The following MTCL2 variants were observed in gnomAD, a reference collection of about 807,000 sequenced individuals.
MTCL2 encodes the protein microtubule crosslinking factor 2.
chr20:36,844,141 CAGG>C, the MTCL2 span, among the ~76,000 whole-genome samples: 10 of 151,940 alleles, frequency 6.6e-5, no homozygotes, highest in Non-Finnish European at 2.9e-5. Context: ...GAGGCTGAGG[CAGG>C]AGAATTGCTT....
the MTCL2 span, chr20:36,839,588 C>T: frequency 1.5e-6 from 1 of 672,698 alleles, no homozygotes; most frequent in East Asian, 2.8e-5. This position sits in a 1 kb window ranked among gnomAD's most constrained non-coding sequence, Gnocchi z 5.1. Flanking sequence ...CGTCCATGTT[C>T]ACATTCCCAG....
At chr20:36,841,042 G>A in the MTCL2 span, among the ~76,000 whole-genome samples, 1 of 151,194 alleles carries the variant, frequency 6.6e-6, no homozygotes, top group Admixed American at 6.6e-5. Context: ...GGGCGCAGTG[G>A]CTCGCACCTC....
chr20:36,857,578 A>G, the MTCL2 span, among the ~76,000 whole-genome samples: 2 of 152,286 alleles, frequency 1.3e-5, no homozygotes, highest in Admixed American at 6.5e-5. Flanking sequence ...CTCAGCCCCA[A>G]GGAGGCTGCG....
At chr20:36,780,458 TC>T in the MTCL2 span, 1 of 152,242 alleles carries the variant, frequency 6.6e-6, no homozygotes, top group African/African-American at 2.4e-5. Context: ...CATTTTGCCA[TC>T]ATTCTTTTAA....
chr20:36,862,942 C>G, the MTCL2 span: 2 of 1,389,098 alleles, frequency 1.4e-6, no homozygotes, highest in Non-Finnish European at 1.9e-6. Context: ...AGCTCCAGGC[C>G]CAGCAGGCGC....
the MTCL2 span, among the ~76,000 whole-genome samples, chr20:36,849,306 G>T: frequency 1.3e-5 from 2 of 151,740 alleles, no homozygotes; most frequent in African/African-American, 2.4e-5. Flanking sequence ...TAATCCACCC[G>T]CCTCGGCCTC....
the MTCL2 span, chr20:36,817,561 G>A: frequency 7.7e-7 from 1 of 1,292,236 alleles, no homozygotes; most frequent in Non-Finnish European, 1.0e-6. Context: ...CAGTGCCCAG[G>A]GTCCAGGGAG....
chr20:36,809,749 T>C, the MTCL2 span, among the ~76,000 whole-genome samples: 1 of 152,086 alleles, frequency 6.6e-6, no homozygotes, highest in East Asian at 1.9e-4. Context: ...CTAATTTTTG[T>C]ATTTTTAGTA....
chr20:36,841,874 G>GGTGTGTGTGTGT, the MTCL2 span, among the ~76,000 whole-genome samples: 158 of 110,856 alleles, frequency 1.4e-3, no homozygotes, highest in African/African-American at 3.7e-3. Flanking sequence ...TGGGGGGTGG[G>GGTGTGTGTGTGT]GTGTGTGTGT....
chr20:36,860,056 G>A, the MTCL2 span, among the ~76,000 whole-genome samples: 1 of 152,152 alleles, frequency 6.6e-6, no homozygotes, highest in Non-Finnish European at 1.5e-5. Flanking sequence ...GCTGGCGGCT[G>A]GGATAAACAG....
the MTCL2 span, among the ~76,000 whole-genome samples, chr20:36,840,874 A>G: frequency 1.3e-5 from 2 of 151,948 alleles, no homozygotes; most frequent in South Asian, 4.1e-4. Context: ...ATGAGCATCA[A>G]CTATGTACGT....
the MTCL2 span, among the ~76,000 whole-genome samples, chr20:36,791,631 G>A: frequency 2.0e-5 from 3 of 152,198 alleles, no homozygotes; most frequent in Non-Finnish European, 4.4e-5. Flanking sequence ...ACCAATCAGA[G>A]TTTCCTTCTT....
chr20:36,812,883 C>G, the MTCL2 span: 2 of 1,595,616 alleles, frequency 1.3e-6, no homozygotes, highest in Non-Finnish European at 1.7e-6. Flanking sequence ...CCAAAGATCA[C>G]CATGGGGAGG....
At chr20:36,816,208 T>C in the MTCL2 span, 3 of 1,613,388 alleles carry the variant, frequency 1.9e-6, no homozygotes, top group Non-Finnish European at 2.5e-6. Flanking sequence ...TCCTCCTTCA[T>C]GCTGTCATTC....
chr20:36,794,107 C>A, the MTCL2 span: 1 of 1,551,322 alleles, frequency 6.4e-7, no homozygotes, highest in Non-Finnish European at 8.7e-7. The surrounding 1 kb of genome is among the most constrained non-coding windows in gnomAD (Gnocchi z 5.4). Context: ...GGAAGCCAGG[C>A]CCGGCCGCCG....
chr20:36,802,946 G>C, the MTCL2 span: 1 of 1,578,116 alleles, frequency 6.3e-7, no homozygotes, highest in Admixed American at 1.8e-5. Context: ...GCTTTTCCTG[G>C]CTCCAGTTGC....
At chr20:36,847,520 G>A in the MTCL2 span, among the ~76,000 whole-genome samples, 1 of 152,150 alleles carries the variant, frequency 6.6e-6, no homozygotes, top group Non-Finnish European at 1.5e-5. Flanking sequence ...GCACAGAGCA[G>A]GTACCTGTCA....
chr20:36,784,070 G>A, the MTCL2 span: 59 of 985,446 alleles, frequency 6.0e-5, no homozygotes, highest in Admixed American at 1.2e-4. Flanking sequence ...TGAGTGGTCC[G>A]TAGGTCTTGG....
the MTCL2 span, among the ~76,000 whole-genome samples, chr20:36,817,687 A>G: frequency 4.2e-4 from 64 of 152,238 alleles, 1 homozygote; most frequent in African/African-American, 1.4e-3. Context: ...GGAGAAGATG[A>G]TTCTAAAAAC....
Sources: gnomAD v4.1 joint callset for allele counts (sites outside exome capture counted in the v4.1 genomes callset) on GRCh38, gnomAD v4.1.1 for gene constraint, Gnocchi (gnomAD v3.1) non-coding constraint, MANE v1.5 for transcripts, NCBI Gene and HGNC (gene_info 2026-07-23, HGNC 2026-07-21) for gene names.